The following CLNK variants were observed in gnomAD, a reference collection of about 807,000 sequenced individuals.
CLNK encodes cytokine dependent hematopoietic cell linker.
Under a neutral mutation model 68.6 loss-of-function variants are expected in CLNK, and 74 were observed. The ratio of observed to expected loss-of-function variants is 1.08; its 90% confidence interval spans 0.89 to 1.31. CLNK has a LOEUF of 1.31. Ranked by LOEUF, CLNK falls within the 50% of genes most tolerant of loss-of-function variation. CLNK has a pLI of 0.00. For synonymous variants in CLNK, 198 were observed against 172.2 expected, an observed-to-expected ratio of 1.15 and a Z score of -1.17; for missense variants, 553 against 515.3, an observed-to-expected ratio of 1.07 and a Z score of -0.71.
intron 18 of CLNK, among the ~76,000 whole-genome samples, chr4:10,494,274 C>T (rs1459653183): frequency 6.6e-6 from 1 of 152,184 alleles, no homozygotes; most frequent in Non-Finnish European, 1.5e-5. Context: ...TTCCTAGTTT[C>T]AGTCTTCAGA....
At chr4:10,547,956 C>G (rs1719301544) in intron 8 of CLNK, among the ~76,000 whole-genome samples, 2 of 152,112 alleles carry the variant, frequency 1.3e-5, no homozygotes, top group South Asian at 4.1e-4. Context: ...GAACAGAGTG[C>G]TGAGAGCTCT....
intron 11 of CLNK, among the ~76,000 whole-genome samples, chr4:10,539,880 G>C (rs1718946026): frequency 6.6e-6 from 1 of 152,222 alleles, no homozygotes; most frequent in African/African-American, 2.4e-5. Context: ...TGCTGATTCT[G>C]TTCTGGCATT....
At chr4:10,592,602 G>A (rs1374534379) in intron 3 of CLNK, among the ~76,000 whole-genome samples, 1 of 151,546 alleles carries the variant, frequency 6.6e-6, no homozygotes, top group African/African-American at 2.4e-5. Flanking sequence ...AGCATCCTAG[G>A]GTTATCCACA....
intron 3 of CLNK, among the ~76,000 whole-genome samples, chr4:10,592,695 G>A (rs1411325584): frequency 1.4e-5 from 2 of 139,322 alleles, no homozygotes; most frequent in African/African-American, 5.3e-5. Flanking sequence ...TCTACTTGTT[G>A]TTTGTTTGTT....
At chr4:10,562,051 G>C (rs1341639899) in intron 7 of CLNK, among the ~76,000 whole-genome samples, 1 of 151,834 alleles carries the variant, frequency 6.6e-6, no homozygotes, top group Non-Finnish European at 1.5e-5. Flanking sequence ...GAAGCACAAA[G>C]ACGCATTTCT....
At chr4:10,522,787 G>A (rs1487483128) in intron 14 of CLNK, among the ~76,000 whole-genome samples, 1 of 152,164 alleles carries the variant, frequency 6.6e-6, no homozygotes, top group Non-Finnish European at 1.5e-5. Context: ...GGTGTGCACA[G>A]CATAAGTTTC....
At chr4:10,681,316 C>G (rs1047423272) in intron 1 of CLNK, among the ~76,000 whole-genome samples, 1 of 152,186 alleles carries the variant, frequency 6.6e-6, no homozygotes, top group Admixed American at 6.5e-5. Context: ...AATTAGCTTT[C>G]TGGGTCTTCA....
At chr4:10,529,569 A>G (rs1718455318) in intron 12 of CLNK, among the ~76,000 whole-genome samples, 1 of 152,236 alleles carries the variant, frequency 6.6e-6, no homozygotes, top group African/African-American at 2.4e-5. Flanking sequence ...TGGAAAGAGG[A>G]CATACATTTC....
At chr4:10,690,073 G>A in the CLNK span, among the ~76,000 whole-genome samples, 3 of 152,104 alleles carry the variant, frequency 2.0e-5, no homozygotes, top group Non-Finnish European at 4.4e-5. Flanking sequence ...AACTGCCATG[G>A]TCTATGGCAT....
chr4:10,507,040 C>A (rs911783033), intron 17 of CLNK, among the ~76,000 whole-genome samples: 1 of 151,820 alleles, frequency 6.6e-6, no homozygotes, highest in East Asian at 1.9e-4. Flanking sequence ...CTCCTGACCT[C>A]GTGAGCCGCC....
chr4:10,723,917 A>AGAGACAGAGAGAGAGAGATC, the CLNK span, among the ~76,000 whole-genome samples: 1 of 150,826 alleles, frequency 6.6e-6, no homozygotes, highest in African/African-American at 2.5e-5. Flanking sequence ...AGAGAGAGAG[A>AGAGACAGAGAGAGAGAGATC]GAAGGCAGGG....
At chr4:10,725,809 G>A in the CLNK span, among the ~76,000 whole-genome samples, 35 of 151,512 alleles carry the variant, frequency 2.3e-4, no homozygotes, top group Admixed American at 1.6e-3. Flanking sequence ...GAGCCGAGAT[G>A]CGCCACTGCA....
In CLNK at chr4:10,633,405, C is replaced by T. The variant is rs79499170; in HGVS notation, c.11+34454G>A. ...ATGGGCTGCAGCTTTCCCAGAGCAT[C>T]TGATGCAAGCACAGATTTATTGAAC... On this transcript the variant is annotated intron_variant, in intron 2 of 18. Transcript: ENST00000226951. 5.1e-3 allele frequency among the ~76,000 whole-genome samples: 779 copies of T among 152,338 alleles called. 27 individuals are homozygous for T. Among genetic ancestry groups the T allele is most frequent in the Admixed American group, 0.036 (555 of 15,302 alleles).
chr4:10,545,010 A>G (rs1434793699), intron 8 of CLNK, among the ~76,000 whole-genome samples: 1 of 152,124 alleles, frequency 6.6e-6, no homozygotes, highest in African/African-American at 2.4e-5. Flanking sequence ...TCCTCATCAT[A>G]CAATCACCTC....
chr4:10,668,199 T>C (rs1224962719), intron 1 of CLNK, among the ~76,000 whole-genome samples: 1 of 152,214 alleles, frequency 6.6e-6, no homozygotes, highest in Non-Finnish European at 1.5e-5. Context: ...TGCAATTGTG[T>C]GCTTCCCCTG....
chr4:10,659,189 GAAAC>G (rs1724095436), intron 2 of CLNK, among the ~76,000 whole-genome samples: 1 of 152,106 alleles, frequency 6.6e-6, no homozygotes, highest in Non-Finnish European at 1.5e-5. Context: ...AAACAAGAGC[GAAAC>G]TCTGTCTCAA....
At chr4:10,616,196 C>G (rs1197895562) in intron 2 of CLNK, among the ~76,000 whole-genome samples, 1 of 152,196 alleles carries the variant, frequency 6.6e-6, no homozygotes. Flanking sequence ...TGCTGTTCAT[C>G]TCTTCACCAC....
At chr4:10,700,516 A>G in the CLNK span, among the ~76,000 whole-genome samples, 16 of 152,326 alleles carry the variant, frequency 1.1e-4, no homozygotes, top group African/African-American at 3.4e-4. Flanking sequence ...TTCAAATCTC[A>G]GAACCCAACT....
intron 18 of CLNK, among the ~76,000 whole-genome samples, chr4:10,493,223 C>T (rs1716656162): frequency 6.6e-6 from 1 of 152,170 alleles, no homozygotes; most frequent in African/African-American, 2.4e-5. Context: ...GAGGCTGAGG[C>T]AGGAGAATCG....
Sources: gnomAD v4.1 joint callset for allele counts (sites outside exome capture counted in the v4.1 genomes callset) on GRCh38, gnomAD v4.1.1 for gene constraint, MANE v1.5 for transcripts, NCBI Gene and HGNC (gene_info 2026-07-23, HGNC 2026-07-21) for gene names.